The following DPP6 variants were observed in gnomAD, a reference collection of about 807,000 sequenced individuals.
DPP6 encodes the protein A-type potassium channel modulatory protein DPP6.
DPP6 carries 69 observed loss-of-function variants against 122.6 expected under a neutral mutation model. That is an observed-to-expected ratio of 0.56 (90% CI 0.46 to 0.69). DPP6 has a LOEUF of 0.69. Among genes scored for constraint, DPP6 ranks in the 30% least tolerant of loss-of-function variants. The probability of loss-of-function intolerance (pLI) is 0.00; values close to 1 mark genes in which losing one functional copy is unlikely to be tolerated. For synonymous variants in DPP6, 418 were observed against 433.1 expected (o/e 0.97, Z 0.43); for missense variants, 928 against 1,116.9 (o/e 0.83, Z 2.41).
chr7:154,151,599 C>T (rs73729287), intron 1 of DPP6, among the ~76,000 whole-genome samples: 2,209 of 152,274 alleles, frequency 0.015, 24 homozygotes, highest in African/African-American at 0.05. Context: ...CAGCCTGTTA[C>T]TGATGGAGGC....
chr7:154,417,567 C>T (rs141828649), intron 1 of DPP6, among the ~76,000 whole-genome samples: 28 of 152,284 alleles, frequency 1.8e-4, no homozygotes, highest in African/African-American at 5.1e-4. Flanking sequence ...CCTCCCACCC[C>T]GCTCCCAGAA....
intron 1 of DPP6, among the ~76,000 whole-genome samples, chr7:153,898,169 G>A (rs79910341): frequency 6.6e-6 from 1 of 152,168 alleles, no homozygotes. Context: ...ACAGCTAAAA[G>A]AGTCTGGGTG....
intron 1 of DPP6, among the ~76,000 whole-genome samples, chr7:154,421,985 A>C (rs1817508381): frequency 6.6e-6 from 1 of 152,214 alleles, no homozygotes; most frequent in African/African-American, 2.4e-5. Flanking sequence ...CAACTTAGTA[A>C]AGAATGGACA....
chr7:154,664,751 C>A (rs959415981), intron 6 of DPP6, among the ~76,000 whole-genome samples: 1 of 151,386 alleles, frequency 6.6e-6, no homozygotes, highest in East Asian at 1.9e-4. Flanking sequence ...ATTTTTAAAG[C>A]CAATGAGATA....
chr7:153,894,020 A>AT (rs1799309276), intron 1 of DPP6, among the ~76,000 whole-genome samples: 1 of 152,112 alleles, frequency 6.6e-6, no homozygotes, highest in Non-Finnish European at 1.5e-5. Context: ...CTTGTGGGAA[A>AT]TTTAATTCTT....
At chr7:154,033,952 A>T (rs532590237) in intron 1 of DPP6, among the ~76,000 whole-genome samples, 17 of 152,220 alleles carry the variant, frequency 1.1e-4, no homozygotes, top group Non-Finnish European at 2.2e-4. Flanking sequence ...ATTGACAGGC[A>T]TCACACAGCA....
At chr7:154,600,525 A>G (rs1397715595) in intron 5 of DPP6, among the ~76,000 whole-genome samples, 1 of 121,176 alleles carries the variant, frequency 8.3e-6, no homozygotes, top group African/African-American at 2.6e-5. Context: ...CACCATGTCA[A>G]AAACTTTCTG....
chr7:154,793,901 T>G, intron 10 of DPP6, 178 bp from the exon 11 acceptor site: 1 of 989,728 alleles, frequency 1.0e-6, no homozygotes, highest in East Asian at 2.9e-5. Context: ...CCCCTCAGAG[T>G]CCCGCGCCAG....
At chr7:153,975,078 G>T (rs574827162) in intron 1 of DPP6, among the ~76,000 whole-genome samples, 1 of 152,004 alleles carries the variant, frequency 6.6e-6, no homozygotes, top group African/African-American at 2.4e-5. Context: ...TACCTACTAC[G>T]TACCAGCCAG....
chr7:154,222,055 CCTT>C (rs1800338524), intron 1 of DPP6, among the ~76,000 whole-genome samples: 1 of 152,280 alleles, frequency 6.6e-6, no homozygotes, highest in Non-Finnish European at 1.5e-5. Context: ...TGAGCCCTCA[CCTT>C]CTGCTTCACA....
At chr7:154,713,635 G>A (rs1179428018) in intron 7 of DPP6, among the ~76,000 whole-genome samples, 2 of 152,198 alleles carry the variant, frequency 1.3e-5, no homozygotes, top group Admixed American at 6.5e-5. Flanking sequence ...CCCTTTTAGC[G>A]ATGGCTGGAG....
chr7:154,686,243 C>G (rs1839592238), intron 7 of DPP6, among the ~76,000 whole-genome samples: 2 of 152,214 alleles, frequency 1.3e-5, no homozygotes, highest in Admixed American at 1.3e-4. Context: ...GTCCCAGCTT[C>G]TTCCTTTGGA....
chr7:154,778,558 C>G (rs1028722195), intron 10 of DPP6, among the ~76,000 whole-genome samples: 1 of 151,126 alleles, frequency 6.6e-6, no homozygotes, highest in East Asian at 1.9e-4. Context: ...CTTGAGCACC[C>G]CCCCCCAAAA....
chr7:154,620,790 A>G (rs1834594932), intron 5 of DPP6, among the ~76,000 whole-genome samples: 1 of 152,224 alleles, frequency 6.6e-6, no homozygotes, highest in Non-Finnish European at 1.5e-5. Flanking sequence ...CAGGATTGAA[A>G]CAAATACCAG....
intron 5 of DPP6, among the ~76,000 whole-genome samples, chr7:154,595,954 AGG>A (rs1833066559): frequency 1.3e-5 from 2 of 152,166 alleles, no homozygotes; most frequent in Non-Finnish European, 2.9e-5. Context: ...CCAGCTACTC[AGG>A]AGGCTGAGGC....
chr7:153,842,864 A>T, the DPP6 span, among the ~76,000 whole-genome samples: 1 of 152,224 alleles, frequency 6.6e-6, no homozygotes, highest in South Asian at 2.1e-4. Flanking sequence ...ATAATATTCA[A>T]ATCTCCTCTA....
intron 1 of DPP6, among the ~76,000 whole-genome samples, chr7:154,137,142 A>T (rs1795596447): frequency 1.3e-5 from 2 of 152,138 alleles, no homozygotes; most frequent in African/African-American, 4.8e-5. Flanking sequence ...ATGACCATAA[A>T]ACGTTTCCAC....
intron 7 of DPP6, among the ~76,000 whole-genome samples, chr7:154,678,725 A>C (rs1477694766): frequency 6.6e-6 from 1 of 152,212 alleles, no homozygotes; most frequent in Non-Finnish European, 1.5e-5. Context: ...TTTGCTCTTA[A>C]AGGGTCATTA....
chr7:153,962,744 G>C (rs1585096305), intron 1 of DPP6, among the ~76,000 whole-genome samples: 2 of 152,262 alleles, frequency 1.3e-5, no homozygotes, highest in South Asian at 2.1e-4. Context: ...ATCCACCCAT[G>C]TGGAACCATC....
Sources: gnomAD v4.1 joint callset for allele counts (sites outside exome capture counted in the v4.1 genomes callset) on GRCh38, gnomAD v4.1.1 for gene constraint, MANE v1.5 for transcripts, NCBI Gene and HGNC (gene_info 2026-07-23, HGNC 2026-07-21) for gene names.